JADE3: variants seen among roughly 807,000 people sequenced by gnomAD.
The protein encoded by JADE3 is jade family PHD finger 3, also known as protein Jade-3.
A neutral mutation model predicts 50.1 loss-of-function variants in JADE3; 2 were observed. The observed-to-expected ratio is 0.04, with a 90% CI of 0.02 to 0.13. JADE3 has a LOEUF of 0.13. Among genes scored for constraint, JADE3 ranks in the 10% least tolerant of loss-of-function variants. The probability of loss-of-function intolerance (pLI) is 1.00; values close to 1 mark genes in which losing one functional copy is unlikely to be tolerated. For synonymous variants in JADE3, 218 were observed against 232.9 expected (o/e 0.94, Z 0.58); for missense variants, 475 against 634.4 (o/e 0.75, Z 2.70).
intron 4 of JADE3, among the ~76,000 whole-genome samples, chrX:47,021,404 T>C (rs1429195573): frequency 4.5e-5 from 5 of 111,793 alleles, no homozygotes; most frequent in Admixed American, 3.8e-4. Context: ...AAAATGCTGA[T>C]ATGAGCCTTT....
chrX:46,923,337 G>T (rs1409661763), intron 1 of JADE3, among the ~76,000 whole-genome samples: 3 of 95,924 alleles, frequency 3.1e-5, no homozygotes, highest in African/African-American at 1.1e-4. Flanking sequence ...TTTGATATTG[G>T]GTTTGTTTTG....
At chrX:46,946,698 C>T (rs1210646155) in intron 1 of JADE3, among the ~76,000 whole-genome samples, 4 of 112,021 alleles carry the variant, frequency 3.6e-5, no homozygotes, top group Non-Finnish European at 3.8e-5. Flanking sequence ...AGCCGATTTG[C>T]GTGCATGGCT....
In JADE3 at chrX:46,991,724, C is replaced by CT. The variant is rs147925321; in HGVS notation, c.126+5934dup. On this transcript the variant is annotated intron_variant, in intron 3 of 10. Coordinates refer to ENST00000614628, the MANE Select transcript of JADE3 (RefSeq NM_014735.5). ...AAATTTGTTATTGCTGTAACAGAGA[C>CT]TTCAAATTCTTCTAGTGACACTGTT... 9.4e-3 allele frequency among the ~76,000 whole-genome samples: 1,047 copies of CT among 111,625 alleles called. 8 individuals carry two copies. Among genetic ancestry groups the CT allele is most frequent in the East Asian group, 0.025 (90 of 3,536 alleles).
chrX:47,058,006 A>G (rs1297974178), intron 10 of JADE3, among the ~76,000 whole-genome samples, 161 bp from the exon 11 acceptor site: 2 of 111,590 alleles, frequency 1.8e-5, no homozygotes, highest in Admixed American at 1.9e-4. Flanking sequence ...CCCAACCTCT[A>G]GTTCAGCTCA....
chrX:47,053,686 T>C (rs1556372725), intron 8 of JADE3, among the ~76,000 whole-genome samples: 1 of 113,105 alleles, frequency 8.8e-6, no homozygotes, highest in Non-Finnish European at 1.9e-5. Flanking sequence ...TTCTTTTGTT[T>C]GTTTAGAAAC....
intron 1 of JADE3, among the ~76,000 whole-genome samples, chrX:46,981,890 T>C (rs1230810853): frequency 9.0e-6 from 1 of 111,715 alleles, no homozygotes; most frequent in Non-Finnish European, 1.9e-5. Context: ...TTGTTTTTTT[T>C]CCCGGGCTGC....
At chrX:47,023,465 A>T (rs1241083072) in intron 4 of JADE3, among the ~76,000 whole-genome samples, 2 of 111,828 alleles carry the variant, frequency 1.8e-5, no homozygotes, top group African/African-American at 6.5e-5. Flanking sequence ...TTGGCTGCCT[A>T]GTATTCCATG....
chrX:47,029,133 G>A (rs1217178499), intron 6 of JADE3, among the ~76,000 whole-genome samples: 1 of 111,613 alleles, frequency 9.0e-6, no homozygotes, highest in Non-Finnish European at 1.9e-5. Flanking sequence ...TCTGGTGAAA[G>A]AAATATAAGG....
intron 4 of JADE3, among the ~76,000 whole-genome samples, chrX:47,015,380 G>A (rs781929676): frequency 1.8e-4 from 20 of 110,887 alleles, no homozygotes; most frequent in Non-Finnish European, 3.0e-4. Flanking sequence ...TCAGGAGTTC[G>A]AGACCAGCCT....
chrX:46,989,081 A>G (rs1298558461), intron 3 of JADE3, among the ~76,000 whole-genome samples: 2 of 110,792 alleles, frequency 1.8e-5, no homozygotes, highest in Admixed American at 1.9e-4. Flanking sequence ...CTCGTGATCC[A>G]CCCACCTTGG....
chrX:46,966,173 T>A (rs1277703778), intron 1 of JADE3, among the ~76,000 whole-genome samples: 2 of 111,861 alleles, frequency 1.8e-5, no homozygotes, highest in Non-Finnish European at 3.8e-5. Flanking sequence ...TTTTCTAGAT[T>A]TTGTGATGGC....
chrX:46,931,124 G>A (rs1556339829), intron 1 of JADE3, among the ~76,000 whole-genome samples: 1 of 111,750 alleles, frequency 8.9e-6, no homozygotes, highest in Non-Finnish European at 1.9e-5. Context: ...CCTGCATCTG[G>A]TGCTTGGTTT....
intron 7 of JADE3, among the ~76,000 whole-genome samples, chrX:47,037,312 T>C (rs1331627532): frequency 1.8e-5 from 2 of 111,886 alleles, no homozygotes; most frequent in African/African-American, 3.3e-5. Flanking sequence ...ATGTGCTGTT[T>C]TTCAACAATA....
At chrX:47,016,370 A>G (rs1355180679) in intron 4 of JADE3, among the ~76,000 whole-genome samples, 4 of 111,923 alleles carry the variant, frequency 3.6e-5, no homozygotes, top group African/African-American at 1.3e-4. Context: ...AGTTGATGCT[A>G]TGGTCTACAC....
At position 47,012,954 on chromosome X, in the gene JADE3, C is replaced by G. The variant is rs143007611; in HGVS notation, c.285-11770C>G. Among the ~76,000 whole-genome samples, 511 of 111,332 alleles carry G rather than the reference C, an allele frequency of 4.6e-3. 2 individuals are homozygous for G. Among genetic ancestry groups the G allele is most frequent in the African/African-American group, 0.016 (492 of 30,659 alleles). ...CATGTATTCCTTATAAGTCAGGCTG[C>G]TATGAAAGAAAGCATAGTTATTGAA... is the stretch of plus-strand genomic sequence containing the variant. On this transcript the variant is annotated intron_variant, in intron 4 of 10. Transcript: ENST00000614628.
chrX:46,932,532 G>T (rs998825034), intron 1 of JADE3, among the ~76,000 whole-genome samples: 1 of 112,077 alleles, frequency 8.9e-6, no homozygotes, highest in African/African-American at 3.2e-5. Flanking sequence ...AAATGTCTTT[G>T]ACATGTGTTC....
At chrX:46,999,397 T>TTATA (rs782183768) in intron 4 of JADE3, among the ~76,000 whole-genome samples, 1 of 65,670 alleles carries the variant, frequency 1.5e-5, no homozygotes, top group South Asian at 6.0e-4. Flanking sequence ...GTGGGAAGTT[T>TTATA]TATATATATA....
chrX:47,040,942 A>G (rs1929242592), intron 8 of JADE3, among the ~76,000 whole-genome samples: 1 of 112,186 alleles, frequency 8.9e-6, no homozygotes, highest in Non-Finnish European at 1.9e-5. Context: ...CTTATATTTG[A>G]CAGAATTGGC....
intron 4 of JADE3, among the ~76,000 whole-genome samples, chrX:47,019,046 T>C (rs958646514): frequency 1.4e-4 from 16 of 111,839 alleles, no homozygotes; most frequent in African/African-American, 5.2e-4. Context: ...GGGCTCCAAG[T>C]GCATGCGTTC....
Sources: allele counts gnomAD v4.1 joint callset (sites outside exome capture counted in the v4.1 genomes callset), GRCh38; gene constraint gnomAD v4.1.1; transcripts MANE v1.5; gene names NCBI Gene and HGNC (gene_info 2026-07-23, HGNC 2026-07-21).